PPIL4: variants seen among roughly 807,000 people sequenced by gnomAD.
PPIL4 encodes peptidylprolyl isomerase like 4.
A neutral mutation model predicts 69.1 loss-of-function variants in PPIL4; 50 were observed. The ratio of observed to expected loss-of-function variants is 0.72; its 90% CI spans 0.58 to 0.92. The LOEUF is 0.92. Among genes scored for constraint, PPIL4 ranks in the 40% least tolerant of loss-of-function variants. The pLI is 0.00. For synonymous variants in PPIL4, 193 were observed against 191.6 expected, an observed-to-expected ratio of 1.01 and a Z score of -0.06; for missense variants, 480 against 587.9, an observed-to-expected ratio of 0.82 and a Z score of 1.90.
intron 1 of PPIL4, among the ~76,000 whole-genome samples, chr6:149,543,476 A>T (rs1777394324): frequency 6.6e-6 from 1 of 152,242 alleles, no homozygotes; most frequent in South Asian, 2.1e-4. Context: ...CCTAATTTAA[A>T]TCACCATATT....
intron 10 of PPIL4, among the ~76,000 whole-genome samples, chr6:149,519,361 A>G (rs945751123): frequency 2.0e-5 from 3 of 152,238 alleles, no homozygotes; most frequent in Admixed American, 6.5e-5. Context: ...AGAGCTCTAC[A>G]TAAGAGCCAC....
intron 1 of PPIL4, among the ~76,000 whole-genome samples, chr6:149,545,383 C>T (rs143511137): frequency 6.6e-6 from 1 of 152,226 alleles, no homozygotes; most frequent in African/African-American, 2.4e-5. Flanking sequence ...GTCTACTTCC[C>T]CCAGTGGAAA....
rs1160515479 is a variant in PPIL4 at position 149,517,462 on chromosome 6, G to C, written c.983-12C>G. On this transcript the variant is annotated splice_polypyrimidine_tract_variant and intron_variant, in intron 10 of 12. Transcript: ENST00000253329. ...GGTGTATTTCCCACCTATTTATTAAGAAAAGAAAAAAAGAGCTTAGTAAAA... is the reference window on the plus strand; with the variant it reads ...GGTGTATTTCCCACCTATTTATTAACAAAAGAAAAAAAGAGCTTAGTAAAA... 1 of 1,417,144 alleles carries C rather than the reference G, an allele frequency of 7.1e-7. No homozygotes were observed. The highest frequency in any genetic ancestry group is 9.6e-7 in the Non-Finnish European group (1 of 1,046,018). The allele number at this position is 1,417,144 out of a possible 1,614,324, so 87.8% of individuals were successfully genotyped here. A position where few individuals can be genotyped will look rare whatever the true frequency, so the allele number is the denominator to read the frequency against.
At chr6:149,528,583 C>T (rs1308776299) in intron 7 of PPIL4, among the ~76,000 whole-genome samples, 1 of 152,178 alleles carries the variant, frequency 6.6e-6, no homozygotes, top group African/African-American at 2.4e-5. Context: ...CACAGGATCA[C>T]CTTTTAGAGT....
chr6:149,512,432 T>G, intron 11 of PPIL4, 130 bp from the exon 12 acceptor site: 1 of 574,280 alleles, frequency 1.7e-6, no homozygotes, highest in South Asian at 3.0e-5. Context: ...AAGAATATAG[T>G]ACATTTCTAA....
Position 149,530,880 on chromosome 6 carries a change from A to G in PPIL4, c.678+2578T>C, listed in dbSNP as rs538155464. Reference sequence around the variant, plus strand: ...GAAAGATCTCCAAGTGTCTAGCCACAGATTGTCTATTGGAGACACCAGGCA... The same window carrying G: ...GAAAGATCTCCAAGTGTCTAGCCACGGATTGTCTATTGGAGACACCAGGCA... On this transcript the variant is annotated intron_variant, in intron 7 of 12. Transcript: ENST00000253329. Among the ~76,000 whole-genome samples, 6 of 152,302 alleles carry G rather than the reference A, an allele frequency of 3.9e-5. No individual in the cohort carries two copies. The South Asian group carries it at 1.2e-3, about 32-fold the overall frequency.
intron 7 of PPIL4, among the ~76,000 whole-genome samples, chr6:149,528,930 A>G (rs1327070955): frequency 6.6e-6 from 1 of 152,214 alleles, no homozygotes; most frequent in Non-Finnish European, 1.5e-5. Context: ...CTTAGCAATT[A>G]AAAGAAATGA....
intron 11 of PPIL4, among the ~76,000 whole-genome samples, chr6:149,515,131 C>T (rs1776922806): frequency 6.6e-6 from 1 of 151,846 alleles, no homozygotes; most frequent in African/African-American, 2.4e-5. Context: ...AGCCACTGCA[C>T]CCAGCCAATT....
At position 149,534,698 on chromosome 6, in the gene PPIL4, G is replaced by C. The variant is rs963194355; in HGVS notation, c.541C>G (p.Pro181Ala). 3 of 1,572,310 alleles carry C rather than the reference G, an allele frequency of 1.9e-6. No homozygotes were observed. The African/African-American group carries it at 4.1e-5, about 21-fold the overall frequency. ...CTTACATCTAATTGTTCCCTTGTAG[G>C]TTCTGGTGATCGATCAGGGATTAAT... ...DLLIPDRSPE[P>A]TREQLDSGRI... Residue 181 changes from proline to alanine, a missense_variant, in exon 6 of 13, where the codon CCT becomes GCT. By Grantham distance (27) the Pro-to-Ala change is conservative. Coordinates refer to ENST00000253329, the MANE Select transcript of PPIL4 (RefSeq NM_139126.4).
At chr6:149,508,208 T>C (rs998355618) in intron 12 of PPIL4, among the ~76,000 whole-genome samples, 1 of 152,072 alleles carries the variant, frequency 6.6e-6, no homozygotes, top group African/African-American at 2.4e-5. Flanking sequence ...TACAGAATAA[T>C]GGGGAAAAAA....
At chr6:149,527,952 T>C (rs1447341611) in intron 7 of PPIL4, among the ~76,000 whole-genome samples, 1 of 152,096 alleles carries the variant, frequency 6.6e-6, no homozygotes, top group Non-Finnish European at 1.5e-5. Context: ...AAGACAACAT[T>C]ATGTCCAATA....
rs566294499 is a variant in PPIL4, at chr6:149,505,188, TAA to T, written c.*263_*264del. 3.7e-4 allele frequency: 121 copies of T among 326,492 alleles called. 2 individuals are homozygous for T. In the South Asian group the frequency reaches 5.2e-3, roughly 14 times the overall value. 20.2% of individuals were successfully genotyped at this position (326,492 alleles called of 1,614,324 possible). On this transcript the variant is annotated 3_prime_UTR_variant, in exon 13 of 13. Transcript: ENST00000253329. The stretch of plus-strand genomic sequence containing the variant: ...ATTTTTGTAGTATGAAATACTTCAT[TAA>T]AAAAAGAGTGAAAATGTAAGACTTC...
At chr6:149,530,567 G>A (rs1777180067) in intron 7 of PPIL4, among the ~76,000 whole-genome samples, 1 of 151,882 alleles carries the variant, frequency 6.6e-6, no homozygotes, top group Non-Finnish European at 1.5e-5. Flanking sequence ...GCTGAGGCAG[G>A]AGAATCGCTT....
At chr6:149,528,915 C>T (rs368682000) in intron 7 of PPIL4, among the ~76,000 whole-genome samples, 2 of 152,132 alleles carry the variant, frequency 1.3e-5, no homozygotes, top group South Asian at 2.1e-4. Context: ...TACAATGAAA[C>T]ATTACTTAGC....
intron 12 of PPIL4, among the ~76,000 whole-genome samples, chr6:149,506,028 A>G (rs1776765598): frequency 6.6e-6 from 1 of 152,222 alleles, no homozygotes; most frequent in Non-Finnish European, 1.5e-5. Flanking sequence ...GATTATGTAT[A>G]GTCTTATTCC....
chr6:149,545,865 G>A, intron 1 of PPIL4, 71 bp downstream of exon 1: 3 of 1,399,858 alleles, frequency 2.1e-6, no homozygotes, highest in Non-Finnish European at 3.0e-6. Flanking sequence ...GCCCTGGACT[G>A]CGCAGAGAAG....
chr6:149,541,644 A>C, intron 1 of PPIL4, 58 bp from the exon 2 acceptor site: 2 of 939,328 alleles, frequency 2.1e-6, no homozygotes, highest in Non-Finnish European at 3.4e-6. Flanking sequence ...TTTTTAAATA[A>C]GTAAAGCCAC....
At chr6:149,506,935 A>G (rs1025001873) in intron 12 of PPIL4, among the ~76,000 whole-genome samples, 3 of 152,236 alleles carry the variant, frequency 2.0e-5, no homozygotes, top group South Asian at 2.1e-4. Context: ...TTTCTTTAAA[A>G]TGAGTTTTTA....
chr6:149,529,226 T>TAA (rs1203329268), intron 7 of PPIL4, among the ~76,000 whole-genome samples: 5 of 132,176 alleles, frequency 3.8e-5, no homozygotes, highest in Admixed American at 7.7e-5. Context: ...AGACTTTCTC[T>TAA]AAAAAAAAAA....
Sources: allele counts gnomAD v4.1 joint callset (sites outside exome capture counted in the v4.1 genomes callset), GRCh38; gene constraint gnomAD v4.1.1; transcripts MANE v1.5; gene names NCBI Gene and HGNC (gene_info 2026-07-23, HGNC 2026-07-21).